TET1: variants seen among roughly 807,000 people sequenced by gnomAD.
TET1 encodes the protein tet methylcytosine dioxygenase 1.
A neutral mutation model predicts 148.7 loss-of-function variants in TET1; 13 were observed. The ratio of observed to expected loss-of-function variants is 0.09; its 90% CI spans 0.06 to 0.14. TET1 has a LOEUF of 0.14. Ranked by LOEUF, TET1 falls within the 10% of genes least tolerant of loss-of-function variation. The pLI, the probability that TET1 is intolerant of heterozygous loss-of-function variation, is 1.00. For missense variants in TET1, 2,182 were observed against 2,553.8 expected, an observed-to-expected ratio of 0.85 and a Z score of 3.14; for synonymous variants, 907 against 937.2, an observed-to-expected ratio of 0.97 and a Z score of 0.59.
chr10:68,664,658 C>T (rs1023605015), intron 6 of TET1, among the ~76,000 whole-genome samples: 8 of 139,094 alleles, frequency 5.8e-5, no homozygotes, highest in Admixed American at 3.1e-4. Context: ...CTGGGAGGTG[C>T]GCCCAGCCTG....
chr10:68,607,517 T>C (rs867723608), intron 3 of TET1, among the ~76,000 whole-genome samples: 5 of 151,860 alleles, frequency 3.3e-5, no homozygotes, highest in Admixed American at 3.3e-4. Flanking sequence ...GTTGCAACCT[T>C]TGCCTCCGGG....
chr10:68,624,622 T>C (rs865821299), intron 3 of TET1, among the ~76,000 whole-genome samples: 1 of 34,376 alleles, frequency 2.9e-5, no homozygotes, highest in Non-Finnish European at 5.2e-5. Context: ...CTTTCTTTCT[T>C]TCTTTCTTTC....
At chr10:68,683,614 G>A (rs144324242) in intron 10 of TET1, among the ~76,000 whole-genome samples, 2,354 of 148,980 alleles carry the variant, frequency 0.016, 1 homozygote, top group Non-Finnish European at 0.023. Flanking sequence ...GGGTTTCACC[G>A]TGTTAGCCAG....
chr10:68,674,621 G>T (rs12783557), intron 8 of TET1: 36 of 480,040 alleles, frequency 7.5e-5, no homozygotes, highest in Non-Finnish European at 8.0e-6. Flanking sequence ...CTTCCATGGC[G>T]TGGATCTTAC....
chr10:68,619,490 C>T (rs890379240), intron 3 of TET1, among the ~76,000 whole-genome samples: 1 of 152,134 alleles, frequency 6.6e-6, no homozygotes, highest in Non-Finnish European at 1.5e-5. Context: ...GCTGGGGTTA[C>T]GGGTGTGAGC....
chr10:68,620,866 A>T (rs139951495), intron 3 of TET1, among the ~76,000 whole-genome samples: 3 of 152,272 alleles, frequency 2.0e-5, no homozygotes, highest in African/African-American at 7.2e-5. Context: ...TTAGCCTCCT[A>T]GTGGGTGGCA....
chr10:68,627,660 G>T (rs932087940), intron 3 of TET1, among the ~76,000 whole-genome samples: 4 of 151,734 alleles, frequency 2.6e-5, no homozygotes, highest in Non-Finnish European at 4.4e-5. Context: ...GGGCGCGGTG[G>T]CTCACGCTGT....
chr10:68,686,738 A>C (rs1337039610), intron 11 of TET1, 31 bp downstream of exon 11: 1 of 1,577,570 alleles, frequency 6.3e-7, no homozygotes, highest in South Asian at 1.2e-5. Flanking sequence ...TAATCTCTGC[A>C]CAACTTTGAT....
At chr10:68,620,982 A>G (rs1361972707) in intron 3 of TET1, among the ~76,000 whole-genome samples, 1 of 152,212 alleles carries the variant, frequency 6.6e-6, no homozygotes, top group African/African-American at 2.4e-5. Context: ...AAATTGCGCC[A>G]TTTGACTGTT....
Position 68,645,005 on chromosome 10 carries a change from G to A in TET1, c.2276G>A (p.Gly759Asp), listed in dbSNP as rs1348824746. Residue 759 changes from glycine (G) to aspartate (D), a missense_variant, in exon 4 of 12, where the codon GGC (glycine) becomes GAC (aspartate). Transcript: ENST00000373644. ...TTGTTTGTACAAACCGTAAGAAATG[G>A]CATTAAACATGTACACTGTTTACCA... ...PKLFVQTVRN[G>D]IKHVHCLPAE... 1 of 1,613,614 alleles carries A rather than the reference G, an allele frequency of 6.2e-7. No individual in the cohort carries two copies. Among genetic ancestry groups the A allele is most frequent in the Non-Finnish European group, 8.5e-7 (1 of 1,179,772 alleles).
At chr10:68,658,419 G>A (rs560191492) in intron 6 of TET1, among the ~76,000 whole-genome samples, 3 of 152,066 alleles carry the variant, frequency 2.0e-5, no homozygotes, top group East Asian at 1.9e-4. Flanking sequence ...GATTACAGGC[G>A]TGAGCCACCG....
chr10:68,616,623 A>C (rs1183773908), intron 3 of TET1, among the ~76,000 whole-genome samples: 2 of 152,006 alleles, frequency 1.3e-5, no homozygotes, highest in African/African-American at 4.8e-5. Flanking sequence ...GCAGTCTCAA[A>C]CTTTTGGGCT....
At chr10:68,583,650 C>T (rs886264735) in intron 2 of TET1, among the ~76,000 whole-genome samples, 1 of 152,170 alleles carries the variant, frequency 6.6e-6, no homozygotes, top group African/African-American at 2.4e-5. Flanking sequence ...CGGTGGCTCT[C>T]GCCTGTAATC....
intron 1 of TET1, 113 bp from the exon 2 acceptor site, chr10:68,572,104 T>TGAGA (rs1262542213): frequency 2.3e-6 from 1 of 436,586 alleles, no homozygotes; most frequent in Non-Finnish European, 4.1e-6. Flanking sequence ...GGCAACAGAA[T>TGAGA]GAGACCCTGT....
At chr10:68,664,766 C>CT (rs1297663707) in intron 6 of TET1, among the ~76,000 whole-genome samples, 2 of 143,728 alleles carry the variant, frequency 1.4e-5, no homozygotes, top group African/African-American at 2.6e-5. Context: ...TCCTGCTTGC[C>CT]TTCTTTATTT....
At chr10:68,619,996 C>A (rs2054347200) in intron 3 of TET1, among the ~76,000 whole-genome samples, 1 of 152,058 alleles carries the variant, frequency 6.6e-6, no homozygotes, top group African/African-American at 2.4e-5. Context: ...AGTTCAAGAC[C>A]AGCCTGGCCA....
At position 68,646,672 on chromosome 10, in the gene TET1, G is replaced by C; in HGVS notation, c.3943G>C (p.Gly1315Arg). The change falls in exon 4 of 12, where the codon GGC becomes CGC. Residue 1315 changes from glycine to arginine, a missense_variant. Coordinates refer to ENST00000373644, the MANE Select transcript of TET1 (RefSeq NM_030625.3). The stretch of plus-strand genomic sequence containing the variant: ...TAACCAGTGTGCTAACGTGATGGCA[G>C]GCGATGACCAAATACGGTTTCAGCA... ...PPNQCANVMAGDDQIRFQQVV... is the reference protein window; with the variant it reads ...PPNQCANVMARDDQIRFQQVV... 6.2e-7 allele frequency: 1 copy of C among 1,614,164 alleles called. No individual in the cohort carries two copies. Among genetic ancestry groups the C allele is most frequent in the Non-Finnish European group, 8.5e-7 (1 of 1,180,034 alleles).
intron 7 of TET1, among the ~76,000 whole-genome samples, chr10:68,671,520 G>A (rs917432476): frequency 3.9e-5 from 6 of 152,200 alleles, no homozygotes; most frequent in African/African-American, 1.2e-4. Flanking sequence ...TCACATGCAT[G>A]TGTCTTTATG....
At chr10:68,658,795 G>A (rs1457506188) in intron 6 of TET1, among the ~76,000 whole-genome samples, 3 of 152,110 alleles carry the variant, frequency 2.0e-5, no homozygotes, top group Non-Finnish European at 4.4e-5. Context: ...TTGAACCTAG[G>A]AGGCAGAGGC....
Sources: allele counts gnomAD v4.1 joint callset (sites outside exome capture counted in the v4.1 genomes callset), GRCh38; gene constraint gnomAD v4.1.1; transcripts MANE v1.5; gene names NCBI Gene and HGNC (gene_info 2026-07-23, HGNC 2026-07-21).